COL23A1: variants seen among roughly 807,000 people sequenced by gnomAD.
COL23A1 encodes collagen alpha-1(XXIII) chain.
Under a neutral mutation model 99.3 loss-of-function variants are expected in COL23A1, and 97 were observed. The observed-to-expected ratio is 0.98, with a 90% confidence interval of 0.83 to 1.16. The LOEUF (loss-of-function observed/expected upper bound fraction) is 1.16. COL23A1 is among the 50% of genes most tolerant of loss of function. The pLI is 0.00. For missense variants in COL23A1, 762 were observed against 757.4 expected (o/e 1.01, Z -0.07); for synonymous variants, 320 against 308.2 (o/e 1.04, Z -0.40).
intron 2 of COL23A1, among the ~76,000 whole-genome samples, chr5:178,533,628 G>T (rs1345207150): frequency 6.6e-6 from 1 of 152,120 alleles, no homozygotes; most frequent in Non-Finnish European, 1.5e-5. Flanking sequence ...CTCCCGAGTA[G>T]CTGGGACTAC....
chr5:178,323,372 C>T (rs1237706808), intron 2 of COL23A1, among the ~76,000 whole-genome samples: 1 of 152,110 alleles, frequency 6.6e-6, no homozygotes, highest in Non-Finnish European at 1.5e-5. Context: ...CCCCAAGGCC[C>T]CTACTCTGTG....
intron 2 of COL23A1, among the ~76,000 whole-genome samples, chr5:178,530,332 C>T (rs891247605): frequency 1.3e-5 from 2 of 152,064 alleles, no homozygotes; most frequent in Admixed American, 6.6e-5. Context: ...TGCAGTGGTG[C>T]GTGCCTGTAG....
At chr5:178,478,896 A>C (rs1267078905) in intron 2 of COL23A1, among the ~76,000 whole-genome samples, 2 of 152,206 alleles carry the variant, frequency 1.3e-5, no homozygotes, top group Non-Finnish European at 2.9e-5. Flanking sequence ...GGCATGCGGC[A>C]CAGACTCTGC....
rs775992624 is a variant in COL23A1, at chr5:178,254,941, A to G, written c.960+8T>C. The G allele has an allele frequency of 1.5e-5, 24 of 1,608,084 alleles. No individual in the cohort carries two copies. In the African/African-American group the frequency reaches 3.1e-4, roughly 21 times the overall value. On this transcript the variant is annotated splice_region_variant and intron_variant, in intron 16 of 28. Coordinates refer to ENST00000390654, the MANE Select transcript of COL23A1 (RefSeq NM_173465.4). ...TAAGGCACATCCTGGTCCCACCAGG[A>G]ACACTACCTTGAGGGCATCCAAGAT...
At chr5:178,580,523 T>C (rs1763612157) in intron 1 of COL23A1, among the ~76,000 whole-genome samples, 1 of 151,916 alleles carries the variant, frequency 6.6e-6, no homozygotes, top group Non-Finnish European at 1.5e-5. Context: ...CTGGACATGA[T>C]GAAGGGATGT....
intron 2 of COL23A1, among the ~76,000 whole-genome samples, chr5:178,465,839 G>A (rs1756388585): frequency 6.6e-6 from 1 of 152,234 alleles, no homozygotes; most frequent in Admixed American, 6.5e-5. Context: ...GCAGGGGCAG[G>A]GAGATGTGGG....
At chr5:178,436,904 G>A (rs563880709) in intron 2 of COL23A1, among the ~76,000 whole-genome samples, 35 of 152,180 alleles carry the variant, frequency 2.3e-4, no homozygotes, top group Non-Finnish European at 4.7e-4. Flanking sequence ...AGTGGTAGAC[G>A]GTGGAGCTGG....
intron 3 of COL23A1, among the ~76,000 whole-genome samples, chr5:178,300,935 T>A (rs1441858112): frequency 6.6e-6 from 1 of 152,222 alleles, no homozygotes; most frequent in East Asian, 1.9e-4. Context: ...GAGTTTATCA[T>A]CCTTGGAGTT....
chr5:178,523,181 C>CATATATATATATATATATACACATAT (rs1760070386), intron 2 of COL23A1, among the ~76,000 whole-genome samples: 1 of 90,452 alleles, frequency 1.1e-5, no homozygotes, highest in Admixed American at 1.5e-4. Context: ...TATATATACA[C>CATATATATATATATATATACACATAT]ATATATATAT....
At chr5:178,558,087 CG>C (rs1169088802) in intron 2 of COL23A1, among the ~76,000 whole-genome samples, 6 of 151,566 alleles carry the variant, frequency 4.0e-5, no homozygotes, top group Admixed American at 3.3e-4. Context: ...GCCTTCCTCT[CG>C]GTGGGACTAG....
chr5:178,404,710 G>A (rs552714940), intron 2 of COL23A1, among the ~76,000 whole-genome samples: 1 of 152,222 alleles, frequency 6.6e-6, no homozygotes, highest in East Asian at 1.9e-4. Flanking sequence ...GACCCCTCAT[G>A]TCCTCCGTCC....
Position 178,318,600 on chromosome 5 carries a change from G to A in COL23A1, c.362-11681C>T, listed in dbSNP as rs558598769. The stretch of plus-strand genomic sequence containing the variant: ...TGGACAGGAAGGGGAGGGGTGGGGC[G>A]ACTCCAGAAAGGGGCTTTCGGCCGG... On this transcript the variant is annotated intron_variant, in intron 2 of 28. Coordinates refer to ENST00000390654, the MANE Select transcript of COL23A1 (RefSeq NM_173465.4). Among the ~76,000 whole-genome samples, 12 of 152,280 alleles carry A rather than the reference G, an allele frequency of 7.9e-5. No individual in the cohort carries two copies. In the East Asian group the frequency reaches 1.5e-3, roughly 20 times the overall value.
chr5:178,349,486 C>T (rs968422572), intron 2 of COL23A1, among the ~76,000 whole-genome samples: 12 of 145,144 alleles, frequency 8.3e-5, no homozygotes, highest in African/African-American at 2.6e-4. Flanking sequence ...TCCGGCCCTC[C>T]GCTAGGCGGG....
intron 2 of COL23A1, among the ~76,000 whole-genome samples, chr5:178,355,747 C>T (rs1163472859): frequency 6.6e-6 from 1 of 152,198 alleles, no homozygotes; most frequent in Admixed American, 6.5e-5. Flanking sequence ...GCCTCGGCCT[C>T]CCAAAGTGCT....
At chr5:178,474,253 CATT>C (rs1278348429) in intron 2 of COL23A1, among the ~76,000 whole-genome samples, 4 of 152,226 alleles carry the variant, frequency 2.6e-5, no homozygotes, top group African/African-American at 9.6e-5. Context: ...TTTCTCTCAT[CATT>C]GATTTTAAGG....
At chr5:178,526,431 T>C (rs981402056) in intron 2 of COL23A1, among the ~76,000 whole-genome samples, 2 of 152,100 alleles carry the variant, frequency 1.3e-5, no homozygotes, top group Admixed American at 6.5e-5. Context: ...GAGAAGGACA[T>C]GGGCCTGGTG....
At chr5:178,518,854 C>T (rs1464046366) in intron 2 of COL23A1, among the ~76,000 whole-genome samples, 3 of 149,298 alleles carry the variant, frequency 2.0e-5, no homozygotes, top group African/African-American at 7.3e-5. Context: ...GCCTCCCGGG[C>T]GGCGCTCGCC....
intron 5 of COL23A1, among the ~76,000 whole-genome samples, chr5:178,282,410 G>A (rs964243551): frequency 2.0e-5 from 3 of 152,206 alleles, no homozygotes; most frequent in African/African-American, 4.8e-5. Flanking sequence ...GTATGAGCAG[G>A]AGAAACCAAA....
chr5:178,518,920 GCGGTCGGGCGGCGGCGGCTGCGGT>G (rs373387598), intron 2 of COL23A1, among the ~76,000 whole-genome samples: 29,071 of 147,006 alleles, frequency 0.2, 2,289 homozygotes, highest in East Asian at 0.53. Context: ...CATCCTCCCG[GCGGTCGGGCGGCGGCGGCTGCGGT>G]CGGTCGCGGC....
Sources: gnomAD v4.1 joint callset for allele counts (sites outside exome capture counted in the v4.1 genomes callset) on GRCh38, gnomAD v4.1.1 for gene constraint, MANE v1.5 for transcripts, NCBI Gene and HGNC (gene_info 2026-07-23, HGNC 2026-07-21) for gene names.